The following IMMP2L variants were observed in gnomAD, a reference collection of about 807,000 sequenced individuals.
IMMP2L encodes inner mitochondrial membrane peptidase subunit 2.
A neutral mutation model predicts 19.3 loss-of-function variants in IMMP2L; 18 were observed. The observed-to-expected ratio is 0.93, with a 90% CI of 0.64 to 1.38. The LOEUF is 1.38. Ranked by LOEUF, IMMP2L falls within the 40% of genes most tolerant of loss-of-function variation. The pLI is 0.00. For synonymous variants in IMMP2L, 76 were observed against 73.0 expected (o/e 1.04, Z -0.21); for missense variants, 233 against 218.2 (o/e 1.07, Z -0.43).
At chr7:111,224,030 T>C (rs1313151105) in intron 3 of IMMP2L, among the ~76,000 whole-genome samples, 2 of 152,088 alleles carry the variant, frequency 1.3e-5, no homozygotes, top group Non-Finnish European at 2.9e-5. Flanking sequence ...AAACTGAATA[T>C]AGAAAACAGA....
chr7:111,433,676 C>A (rs1671862598), intron 3 of IMMP2L, among the ~76,000 whole-genome samples: 1 of 151,482 alleles, frequency 6.6e-6, no homozygotes, highest in Admixed American at 6.6e-5. Flanking sequence ...CTCCACCTGT[C>A]TTGCCCTTGA....
chr7:111,240,023 T>A (rs111281050), intron 3 of IMMP2L, among the ~76,000 whole-genome samples: 3 of 151,968 alleles, frequency 2.0e-5, no homozygotes, highest in Non-Finnish European at 4.4e-5. Flanking sequence ...TACCACCTTA[T>A]TGTCACAATA....
chr7:110,828,075 T>C (rs1169213944), intron 5 of IMMP2L, among the ~76,000 whole-genome samples: 1 of 152,066 alleles, frequency 6.6e-6, no homozygotes, highest in Non-Finnish European at 1.5e-5. Context: ...TTTAGTCATC[T>C]CTCCTCTAAG....
intron 3 of IMMP2L, among the ~76,000 whole-genome samples, chr7:111,182,519 C>T (rs924727369): frequency 1.3e-5 from 2 of 151,668 alleles, no homozygotes; most frequent in Non-Finnish European, 2.9e-5. Context: ...TAGAGTTTCT[C>T]AGTTTATTTA....
At chr7:111,462,461 C>G (rs1036783163) in intron 3 of IMMP2L, among the ~76,000 whole-genome samples, 1 of 151,972 alleles carries the variant, frequency 6.6e-6, no homozygotes, top group African/African-American at 2.4e-5. Flanking sequence ...AATTAATGAT[C>G]AGGATATTAA....
At chr7:111,441,957 T>C (rs574914960) in intron 3 of IMMP2L, among the ~76,000 whole-genome samples, 16 of 151,620 alleles carry the variant, frequency 1.1e-4, no homozygotes, top group Non-Finnish European at 2.1e-4. Context: ...GCCAACATGG[T>C]GAAACCCTGT....
chr7:111,328,047 A>G (rs1825502652), intron 3 of IMMP2L, among the ~76,000 whole-genome samples: 3 of 151,740 alleles, frequency 2.0e-5, no homozygotes, highest in Admixed American at 6.6e-5. Flanking sequence ...ACTAAAAAAT[A>G]TTTTTACAAA....
At chr7:111,417,472 T>A (rs1835063358) in intron 3 of IMMP2L, among the ~76,000 whole-genome samples, 1 of 151,798 alleles carries the variant, frequency 6.6e-6, no homozygotes, top group Non-Finnish European at 1.5e-5. Context: ...TACCATCTGT[T>A]CCAGTATAGG....
At chr7:110,993,251 C>T (rs1450863079) in intron 3 of IMMP2L, among the ~76,000 whole-genome samples, 2 of 152,082 alleles carry the variant, frequency 1.3e-5, no homozygotes, top group African/African-American at 4.8e-5. Context: ...AGTAACATCA[C>T]CACACCTGCC....
chr7:110,758,946 G>T lies in IMMP2L; in HGVS notation c.409-95225C>A, dbSNP rs995355311. Among the ~76,000 whole-genome samples, 1 of 152,090 alleles carries T rather than the reference G, an allele frequency of 6.6e-6. No individual in the cohort carries two copies. The highest frequency in any genetic ancestry group is 1.5e-5 in the Non-Finnish European group (1 of 68,002). On this transcript the variant is annotated intron_variant, in intron 5 of 5. Transcript: ENST00000405709. The surrounding 1 kb of genome is among the most constrained non-coding windows in gnomAD (Gnocchi z 4.6). ...GAGACGTCTAGAAATGACCAGTGGAGATCTTTTCACAGTCTGTTACCCGAT... is the reference window on the plus strand; with the variant it reads ...GAGACGTCTAGAAATGACCAGTGGATATCTTTTCACAGTCTGTTACCCGAT...
intron 5 of IMMP2L, among the ~76,000 whole-genome samples, chr7:110,742,917 A>G (rs1584687307): frequency 6.6e-6 from 1 of 152,186 alleles, no homozygotes; most frequent in African/African-American, 2.4e-5. Flanking sequence ...ACACATGGAC[A>G]TTCCTACGTA....
intron 3 of IMMP2L, among the ~76,000 whole-genome samples, chr7:111,422,318 G>A (rs1585039582): frequency 6.6e-6 from 1 of 151,788 alleles, no homozygotes; most frequent in Admixed American, 6.6e-5. Context: ...TGGGCAGTAT[G>A]GCCATTTTCA....
intron 5 of IMMP2L, among the ~76,000 whole-genome samples, chr7:110,882,627 C>T (rs1360826424): frequency 1.3e-5 from 2 of 152,000 alleles, no homozygotes; most frequent in South Asian, 2.1e-4. Context: ...GTGATCCACC[C>T]GCCTCGGCTT....
intron 3 of IMMP2L, among the ~76,000 whole-genome samples, chr7:111,402,120 CAAAAAT>C (rs1196833144): frequency 4.1e-5 from 4 of 97,246 alleles, no homozygotes; most frequent in African/African-American, 1.5e-4. Context: ...GACCCCATCT[CAAAAAT>C]AATAATAATA....
intron 3 of IMMP2L, among the ~76,000 whole-genome samples, chr7:111,152,215 TATTA>T (rs1362428056): frequency 6.6e-6 from 1 of 152,180 alleles, no homozygotes; most frequent in Non-Finnish European, 1.5e-5. Flanking sequence ...TAATATGTAA[TATTA>T]ATTGCTATTA....
chr7:111,175,637 TAA>T, intron 3 of IMMP2L, among the ~76,000 whole-genome samples: 1 of 151,816 alleles, frequency 6.6e-6, no homozygotes, highest in Non-Finnish European at 1.5e-5. Context: ...CAAAATGGAT[TAA>T]AGACTTAAAT....
chr7:110,820,561 GACACACAC>G (rs375879074), intron 5 of IMMP2L, among the ~76,000 whole-genome samples: 1 of 150,510 alleles, frequency 6.6e-6, no homozygotes, highest in African/African-American at 2.4e-5. Flanking sequence ...AGTATTATCT[GACACACAC>G]ACACACACCC....
intron 5 of IMMP2L, among the ~76,000 whole-genome samples, chr7:110,821,949 T>C (rs1412719098): frequency 6.6e-6 from 1 of 151,898 alleles, no homozygotes; most frequent in African/African-American, 2.4e-5. Context: ...TCACTAGTCA[T>C]AAAGCCAGTG....
chr7:110,730,485 C>T (rs1796189043), intron 5 of IMMP2L, among the ~76,000 whole-genome samples: 2 of 151,968 alleles, frequency 1.3e-5, no homozygotes, highest in South Asian at 4.2e-4. Context: ...AGCTTCCCGA[C>T]TTTTGAGGTT....
Sources: allele counts gnomAD v4.1 joint callset (sites outside exome capture counted in the v4.1 genomes callset), GRCh38; gene constraint gnomAD v4.1.1; non-coding constraint Gnocchi (gnomAD v3.1); transcripts MANE v1.5; gene names NCBI Gene and HGNC (gene_info 2026-07-23, HGNC 2026-07-21).